Variants in TTK observed in about 807,000 individuals in gnomAD.
The protein encoded by TTK is dual specificity protein kinase TTK.
Under a neutral mutation model 117.3 loss-of-function variants are expected in TTK, and 59 were observed. The observed-to-expected ratio is 0.50, with a 90% CI of 0.41 to 0.62. The LOEUF (loss-of-function observed/expected upper bound fraction) is 0.62, where lower values mean the gene tolerates loss of function less well. Among genes scored for constraint, TTK ranks in the 20% least tolerant of loss-of-function variants. The pLI, the probability that TTK is intolerant of heterozygous loss-of-function variation, is 0.00. For missense variants in TTK, 921 were observed against 989.4 expected (o/e 0.93, Z 0.93); for synonymous variants, 302 against 325.0 (o/e 0.93, Z 0.76).
At chr6:80,025,859 C>CTTT (rs34381465) in intron 11 of TTK, among the ~76,000 whole-genome samples, 2 of 130,228 alleles carry the variant, frequency 1.5e-5, no homozygotes, top group African/African-American at 2.8e-5. Flanking sequence ...CCTATAGGTT[C>CTTT]TTTTTTTTTT....
intron 11 of TTK, among the ~76,000 whole-genome samples, chr6:80,023,680 ATAAC>A (rs1176675834): frequency 1.3e-5 from 2 of 152,250 alleles, no homozygotes; most frequent in African/African-American, 4.8e-5. Context: ...CTGAAACAAA[ATAAC>A]TACAGTGGGA....
Position 80,008,027 on chromosome 6 carries a change from A to G in TTK, c.358A>G (p.Lys120Glu), listed in dbSNP as rs1255547191. Residue 120 changes from lysine (K) to glutamate (E), a missense_variant, in exon 3 of 22, where the codon AAA (lysine) becomes GAA (glutamate). Transcript: ENST00000369798. ...ARIQVRFAEL[K>E]AIQEPDDARD... ...AATTCAAGTGAGATTTGCTGAATTA[A>G]AAGCGTAAGTATTAGCATTTTAACT... 6.2e-7 allele frequency: 1 copy of G among 1,613,250 alleles called. No homozygotes were observed.
At chr6:80,005,712 CTAA>C (rs1227594092) in intron 1 of TTK, 127 bp from the exon 2 acceptor site, 1 of 957,696 alleles carries the variant, frequency 1.0e-6, no homozygotes, top group African/African-American at 1.7e-5. Flanking sequence ...TAATACTAGC[CTAA>C]TAATAGCTGC....
chr6:80,031,685 G>C (rs1168763264), intron 14 of TTK, 126 bp downstream of exon 14: 2 of 581,546 alleles, frequency 3.4e-6, no homozygotes, highest in Non-Finnish European at 5.5e-6. Flanking sequence ...GAGCCAAAAA[G>C]CCATCTTAAC....
At position 80,011,966 on chromosome 6, in the gene TTK, T is replaced by C. The variant is rs984026341; in HGVS notation, c.882T>C (p.Pro294=). The C allele has an allele frequency of 1.2e-6, 2 of 1,608,424 alleles. No homozygotes were observed. Among genetic ancestry groups the C allele is most frequent in the Non-Finnish European group, 8.5e-7 (1 of 1,178,176 alleles). The change falls in exon 8 of 22, where the codon CCT becomes CCC. Residue 294 remains proline (P), a synonymous_variant. Transcript: ENST00000369798. ...CDVKTDDSVV[P]CFMKRQTSRS... ...TGAAGACAGATGATTCAGTTGTACCTTGTTTTATGAAAAGGTATGTTGAGT... is the reference window on the plus strand; with the variant it reads ...TGAAGACAGATGATTCAGTTGTACCCTGTTTTATGAAAAGGTATGTTGAGT...
intron 14 of TTK, among the ~76,000 whole-genome samples, chr6:80,031,825 C>T (rs985989967): frequency 7.9e-5 from 12 of 152,110 alleles, no homozygotes; most frequent in African/African-American, 2.9e-4. Flanking sequence ...AAAACATTGA[C>T]ATGGGGTAGC....
intron 10 of TTK, among the ~76,000 whole-genome samples, chr6:80,021,629 A>T (rs1175507358): frequency 3.9e-5 from 6 of 152,210 alleles, no homozygotes; most frequent in Non-Finnish European, 8.8e-5. Flanking sequence ...AAAGGTGTGG[A>T]AGAGATGCAG....
chr6:80,025,427 T>G (rs1158271035), intron 11 of TTK, among the ~76,000 whole-genome samples: 3 of 152,218 alleles, frequency 2.0e-5, no homozygotes, highest in African/African-American at 4.8e-5. Context: ...TTATAATAGA[T>G]AAACCAATAT....
At chr6:80,013,731 C>A (rs141765700) in intron 9 of TTK, among the ~76,000 whole-genome samples, 1 of 151,698 alleles carries the variant, frequency 6.6e-6, no homozygotes, top group Non-Finnish European at 1.5e-5. Context: ...GGTAAGACAT[C>A]TTAAAAAAAA....
In TTK at chr6:80,035,666, G is replaced by A. The variant is rs568179841; in HGVS notation, c.1924+249G>A. ...AAAATGTATTTTTCTCAGTATTAAC[G>A]TAGTCTGTCATCCTTATCTCCAAAT... is the stretch of plus-strand genomic sequence containing the variant. On this transcript the variant is annotated intron_variant, in intron 16 of 21. Transcript: ENST00000369798. Among the ~76,000 whole-genome samples the A allele has an allele frequency of 6.6e-4, 100 of 152,214 alleles. 2 individuals carry two copies. In the South Asian group the frequency reaches 0.018, roughly 28 times the overall value.
intron 19 of TTK, 71 bp from the exon 20 acceptor site, chr6:80,040,124 GA>G (rs1210069450): frequency 8.3e-7 from 1 of 1,205,656 alleles, no homozygotes; most frequent in South Asian, 1.9e-5. Flanking sequence ...ATGTAATCTG[GA>G]AAAATACTTT....
At chr6:80,016,451 C>G (rs1395318588) in intron 10 of TTK, among the ~76,000 whole-genome samples, 2 of 152,092 alleles carry the variant, frequency 1.3e-5, no homozygotes, top group Non-Finnish European at 2.9e-5. Context: ...TTTGCATTTC[C>G]TTAATGTCTA....
Position 80,036,349 on chromosome 6 carries a change from A to G in TTK, c.1925-126A>G, listed in dbSNP as rs1478523909. 3 of 1,143,302 alleles carry G rather than the reference A, an allele frequency of 2.6e-6. No homozygotes were observed. The African/African-American group carries it at 4.7e-5, about 18-fold the overall frequency. The allele number at this position is 1,143,302 out of a possible 1,614,324, so 70.8% of individuals were successfully genotyped here. A position where few individuals can be genotyped will look rare whatever the true frequency, so the allele number is the denominator to read the frequency against. Reference sequence around the variant, plus strand: ...CTATGTAAATATTTGCAGAATATATAAAAAAATTATTGAATTGGGTTCACT... The same window carrying G: ...CTATGTAAATATTTGCAGAATATATGAAAAAATTATTGAATTGGGTTCACT... On this transcript the variant is annotated intron_variant, in intron 16 of 21. Coordinates refer to ENST00000369798, the MANE Select transcript of TTK (RefSeq NM_003318.5).
chr6:80,009,432 A>G (rs1014085261), intron 4 of TTK, among the ~76,000 whole-genome samples: 15 of 152,092 alleles, frequency 9.9e-5, no homozygotes, highest in African/African-American at 3.1e-4. Context: ...TTGCTCTATC[A>G]GGTTACTTTT....
intron 9 of TTK, among the ~76,000 whole-genome samples, chr6:80,014,121 A>G (rs1767240284): frequency 6.6e-6 from 1 of 152,208 alleles, no homozygotes; most frequent in Admixed American, 6.6e-5. Flanking sequence ...TAGCCATCAC[A>G]GTAACAAAAT....
At chr6:80,014,421 C>T in intron 9 of TTK, 42 bp from the exon 10 acceptor site, 1 of 1,546,584 alleles carries the variant, frequency 6.5e-7, no homozygotes, top group Non-Finnish European at 8.7e-7. Flanking sequence ...ATTAGTAGTA[C>T]TACTATTTAT....
At chr6:80,011,589 G>A (rs1767157200) in intron 6 of TTK, 41 bp downstream of exon 6, 8 of 1,568,962 alleles carry the variant, frequency 5.1e-6, no homozygotes, top group East Asian at 2.2e-5. Context: ...CATCTTCTAT[G>A]TAAGTACATC....
At chr6:80,030,107 A>C (rs905763107) in intron 13 of TTK, among the ~76,000 whole-genome samples, 1 of 152,242 alleles carries the variant, frequency 6.6e-6, no homozygotes, top group African/African-American at 2.4e-5. Flanking sequence ...TTTTTATTTA[A>C]ATAGGAGATT....
intron 9 of TTK, 141 bp from the exon 10 acceptor site, chr6:80,014,322 G>C: frequency 1.7e-6 from 1 of 586,110 alleles, no homozygotes; most frequent in Non-Finnish European, 2.6e-6. Context: ...CTTTGCTGGG[G>C]GTTTGTGAGT....
Sources: gnomAD v4.1 joint callset for allele counts (sites outside exome capture counted in the v4.1 genomes callset) on GRCh38, gnomAD v4.1.1 for gene constraint, MANE v1.5 for transcripts, NCBI Gene and HGNC (gene_info 2026-07-23, HGNC 2026-07-21) for gene names.